The following CASTOR2 variants were observed in gnomAD, a reference collection of about 807,000 sequenced individuals.
The protein encoded by CASTOR2 is GATS protein like 2.
CASTOR2 carries 8 observed loss-of-function variants against 31.2 expected under a neutral mutation model. The observed-to-expected ratio is 0.26, with a 90% CI of 0.15 to 0.46. The LOEUF (loss-of-function observed/expected upper bound fraction) is 0.46. Among genes scored for constraint, CASTOR2 ranks in the 20% least tolerant of loss-of-function variants. The probability of loss-of-function intolerance (pLI) is 0.99; values close to 1 mark genes in which losing one functional copy is unlikely to be tolerated. For missense variants in CASTOR2, 216 were observed against 382.1 expected (o/e 0.57, Z 3.62); for synonymous variants, 162 against 158.7 (o/e 1.02, Z -0.16).
intron 6 of CASTOR2, 33 bp from the exon 7 acceptor site, chr7:75,021,841 G>A (rs990374875): frequency 1.9e-6 from 3 of 1,551,386 alleles, no homozygotes; most frequent in Non-Finnish European, 1.7e-6. Flanking sequence ...ATTCACATCA[G>A]CCTCGGGGAT....
chr7:75,010,541 A>G (rs1804715493), intron 2 of CASTOR2, among the ~76,000 whole-genome samples: 1 of 152,110 alleles, frequency 6.6e-6, no homozygotes, highest in Non-Finnish European at 1.5e-5. Flanking sequence ...CGGCTGGCCC[A>G]GGGAAGGAAT....
intron 2 of CASTOR2, among the ~76,000 whole-genome samples, chr7:75,009,301 G>T (rs1261451663): frequency 1.0e-5 from 1 of 98,000 alleles, no homozygotes; most frequent in African/African-American, 4.2e-5. Context: ...ACGGAGTCTC[G>T]CTCTATGGCC....
intron 2 of CASTOR2, among the ~76,000 whole-genome samples, chr7:75,016,750 C>A (rs1166851310): frequency 6.6e-6 from 1 of 152,226 alleles, no homozygotes; most frequent in Admixed American, 6.5e-5. Flanking sequence ...CAAACTGAGG[C>A]TCGGTGCAGA....
At chr7:74,995,141 G>A (rs587598109) in intron 1 of CASTOR2, among the ~76,000 whole-genome samples, 1 of 152,106 alleles carries the variant, frequency 6.6e-6, no homozygotes, top group Non-Finnish European at 1.5e-5. Flanking sequence ...TTGAGGAGGT[G>A]GCCCAATGGC....
chr7:75,005,223 C>T (rs1346670652), intron 1 of CASTOR2, among the ~76,000 whole-genome samples: 1 of 152,068 alleles, frequency 6.6e-6, no homozygotes, highest in Non-Finnish European at 1.5e-5. Flanking sequence ...AGAGGCCCAT[C>T]CCCCCAGAAT....
intron 2 of CASTOR2, among the ~76,000 whole-genome samples, 182 bp from the exon 3 acceptor site, chr7:75,017,416 A>C (rs1161898354): frequency 6.6e-6 from 1 of 151,596 alleles, no homozygotes; most frequent in Non-Finnish European, 1.5e-5. Flanking sequence ...TACTCCAGGC[A>C]CTCCAGCCGG....
chr7:74,971,960 T>C (rs1430461730), intron 1 of CASTOR2, among the ~76,000 whole-genome samples: 3 of 149,770 alleles, frequency 2.0e-5, no homozygotes, highest in African/African-American at 7.5e-5. Context: ...TCTGTTTTTT[T>C]ATTAATATTA....
At position 75,024,915 on chromosome 7, in the gene CASTOR2, C is replaced by T; in HGVS notation, c.*216C>T. ...TGCCTTCCCGGAGCCCCCCGACCCT[C>T]CAGAGAACGACCTTTCTCTTCCCTA... On this transcript the variant is annotated 3_prime_UTR_variant, in exon 9 of 9. Transcript: ENST00000616305. 1 of 1,166,688 alleles carries T rather than the reference C, an allele frequency of 8.6e-7. No homozygotes were observed. Among genetic ancestry groups the T allele is most frequent in the Admixed American group, 2.5e-5 (1 of 40,430 alleles). 72.3% of individuals were successfully genotyped at this position (1,166,688 alleles called of 1,614,324 possible).
At chr7:75,020,905 A>G (rs1000195451) in intron 6 of CASTOR2, among the ~76,000 whole-genome samples, 7 of 151,182 alleles carry the variant, frequency 4.6e-5, no homozygotes, top group Non-Finnish European at 7.4e-5. Flanking sequence ...CAAGTGATCC[A>G]CATGTCTCAG....
chr7:74,989,443 A>T (rs1804152496), intron 1 of CASTOR2, among the ~76,000 whole-genome samples: 1 of 151,718 alleles, frequency 6.6e-6, no homozygotes, highest in African/African-American at 2.4e-5. Flanking sequence ...TGTTTTTGAG[A>T]TGGAGTCTCG....
At chr7:75,020,295 T>G in intron 6 of CASTOR2, 146 bp downstream of exon 6, 1 of 794,144 alleles carries the variant, frequency 1.3e-6, no homozygotes, top group South Asian at 1.8e-5. Context: ...CAGGCTGGGG[T>G]GCAGTGGTGC....
chr7:74,994,551 C>G (rs1299622922), intron 1 of CASTOR2, among the ~76,000 whole-genome samples: 9 of 152,148 alleles, frequency 5.9e-5, no homozygotes, highest in Admixed American at 1.3e-4. Context: ...GAGTTCGAGA[C>G]CAGCCTGGTT....
rs1805121353 is a variant in CASTOR2, at chr7:75,026,116, G to C, written c.*1417G>C. ...GTCCAGGAGGCATGGGGTTAGCCGT[G>C]GTGTCCCTTCCAGTGGGGTGGTTTT... is the stretch of plus-strand genomic sequence containing the variant. On this transcript the variant is annotated 3_prime_UTR_variant, in exon 9 of 9. Coordinates refer to ENST00000616305, the MANE Select transcript of CASTOR2 (RefSeq NM_001145064.3). Among the ~76,000 whole-genome samples, 1 of 151,922 alleles carries C rather than the reference G, an allele frequency of 6.6e-6. No homozygotes were observed. Among genetic ancestry groups the C allele is most frequent in the South Asian group, 2.1e-4 (1 of 4,828 alleles).
Position 75,029,650 on chromosome 7 carries a change from AT to A in CASTOR2, c.*4956del, listed in dbSNP as rs1326707273. On this transcript the variant is annotated 3_prime_UTR_variant, in exon 9 of 9. Transcript: ENST00000616305. ...TGAGATACCCCGCCTGGCCAATGGG[AT>A]TTTTGACGCCACTTCCTGAGTGAAG... 3.2e-4 allele frequency among the ~76,000 whole-genome samples: 49 copies of A among 151,848 alleles called. No individual in the cohort carries two copies. In the South Asian group the frequency reaches 8.8e-3, roughly 27 times the overall value.
chr7:75,018,977 A>G lies in CASTOR2; in HGVS notation c.517A>G (p.Arg173Gly). Reference sequence around the variant, plus strand: ...ACATCTTTGTGCTCTTACAGTCCAGAGGCCAGTCATCCACCCACTGTCCAG... The same window carrying G: ...ACATCTTTGTGCTCTTACAGTCCAGGGGCCAGTCATCCACCCACTGTCCAG... ...NGFVKPKLVQ[R>G]PVIHPLSSPS... Residue 173 changes from arginine to glycine, a missense_variant, in exon 5 of 9, where the codon AGG (arginine) becomes GGG (glycine). Coordinates refer to ENST00000616305, the MANE Select transcript of CASTOR2 (RefSeq NM_001145064.3). The G allele has an allele frequency of 6.4e-7, 1 of 1,551,994 alleles. No homozygotes were observed. Among genetic ancestry groups the G allele is most frequent in the Non-Finnish European group, 8.7e-7 (1 of 1,147,056 alleles).
In CASTOR2 at chr7:75,025,365, C is replaced by CCTCCCCCACAAGCA. The variant is rs1805099145; in HGVS notation, c.*668_*669insCCCCCACAAGCACT. 1.3e-5 allele frequency among the ~76,000 whole-genome samples: 2 copies of CCTCCCCCACAAGCA among 152,138 alleles called. No homozygotes were observed. Among genetic ancestry groups the CCTCCCCCACAAGCA allele is most frequent in the Non-Finnish European group, 2.9e-5 (2 of 68,000 alleles). The stretch of plus-strand genomic sequence containing the variant: ...CTCCCAGCAAGACTGCCAAGAGGGC[C>CCTCCCCCACAAGCA]CTGTCCAGACCCTCCCCCACAAGCA... On this transcript the variant is annotated 3_prime_UTR_variant, in exon 9 of 9. Transcript: ENST00000616305.
At chr7:75,019,875 C>T (rs963529230) in intron 5 of CASTOR2, among the ~76,000 whole-genome samples, 164 bp from the exon 6 acceptor site, 25 of 152,272 alleles carry the variant, frequency 1.6e-4, no homozygotes, top group African/African-American at 5.5e-4. Context: ...TTTGTGAATG[C>T]GGTGAAATCA....
chr7:75,021,341 G>A (rs1804996697), intron 6 of CASTOR2, among the ~76,000 whole-genome samples: 2 of 152,262 alleles, frequency 1.3e-5, no homozygotes, highest in South Asian at 4.1e-4. Context: ...TGACCAGGCT[G>A]GTCTCCAACT....
rs1281162490 is a variant in CASTOR2 at position 75,009,416 on chromosome 7, C to T, written c.184+1352C>T. 2.2e-3 allele frequency among the ~76,000 whole-genome samples: 332 copies of T among 151,070 alleles called. 4 individuals carry two copies. Among genetic ancestry groups the T allele is most frequent in the South Asian group, 0.017 (79 of 4,766 alleles). On this transcript the variant is annotated intron_variant, in intron 2 of 8. Transcript: ENST00000616305. ...CCGAGTAGCTGGGACTACAGGCGCC[C>T]GCCACCACGCCCGGCTAATTTTTTG...
Sources: gnomAD v4.1 joint callset for allele counts (sites outside exome capture counted in the v4.1 genomes callset) on GRCh38, gnomAD v4.1.1 for gene constraint, MANE v1.5 for transcripts, NCBI Gene and HGNC (gene_info 2026-07-23, HGNC 2026-07-21) for gene names.